RIC1: variants seen among roughly 807,000 people sequenced by gnomAD.
RIC1 encodes the protein RIC1 partner of RAB6A GEF complex, also known as guanine nucleotide exchange factor subunit RIC1.
A neutral mutation model predicts 169.0 loss-of-function variants in RIC1; 88 were observed. The ratio of observed to expected loss-of-function variants is 0.52; its 90% confidence interval spans 0.44 to 0.62. The LOEUF (loss-of-function observed/expected upper bound fraction) is 0.62, where lower values mean the gene tolerates loss of function less well. Among genes scored for constraint, RIC1 ranks in the 20% least tolerant of loss-of-function variants. The probability of loss-of-function intolerance (pLI) is 0.00; values close to 1 mark genes in which losing one functional copy is unlikely to be tolerated. For synonymous variants in RIC1, 790 were observed against 601.5 expected (o/e 1.31, Z -4.59); for missense variants, 1,877 against 1,725.5 (o/e 1.09, Z -1.56).
intron 2 of RIC1, among the ~76,000 whole-genome samples, chr9:5,672,387 GA>G (rs1030837106): frequency 1.2e-4 from 18 of 152,248 alleles, no homozygotes; most frequent in Middle Eastern, 3.4e-3. Flanking sequence ...AGAACTTTCA[GA>G]AAATGTAATT....
At chr9:5,666,474 G>T (rs576313290) in intron 2 of RIC1, among the ~76,000 whole-genome samples, 1 of 151,776 alleles carries the variant, frequency 6.6e-6, no homozygotes, top group East Asian at 1.9e-4. Context: ...TTGTTCTAGC[G>T]GGAAGGCTTT....
At chr9:5,667,828 A>G (rs1275684741) in intron 2 of RIC1, among the ~76,000 whole-genome samples, 1 of 152,054 alleles carries the variant, frequency 6.6e-6, no homozygotes, top group African/African-American at 2.4e-5. Flanking sequence ...TTAAGTGTGG[A>G]TGTCTACTGT....
In RIC1 at chr9:5,774,589, C is replaced by CCT. The variant is rs1827475786; in HGVS notation, c.*343_*344insCT. On this transcript the variant is annotated 3_prime_UTR_variant, in exon 26 of 26. Coordinates refer to ENST00000414202, the MANE Select transcript of RIC1 (RefSeq NM_020829.4). Reference sequence around the variant, plus strand: ...TACTTTTTCACTACTTACATCTTCTCACATTTCCCGGTTCTGCATTATGTC... The same window carrying CCT: ...TACTTTTTCACTACTTACATCTTCTCCTACATTTCCCGGTTCTGCATTATGTC... 5.5e-6 allele frequency: 1 copy of CCT among 182,846 alleles called. No individual in the cohort carries two copies. The highest frequency in any genetic ancestry group is 1.1e-5 in the Non-Finnish European group (1 of 87,502). 11.3% of individuals were successfully genotyped at this position (182,846 alleles called of 1,614,324 possible).
intron 2 of RIC1, among the ~76,000 whole-genome samples, chr9:5,683,793 C>T (rs1004876544): frequency 1.1e-4 from 16 of 152,224 alleles, no homozygotes; most frequent in African/African-American, 3.4e-4. Flanking sequence ...GTGGGCTCCA[C>T]CCAGTTCAAC....
chr9:5,636,511 G>A (rs570962315), intron 1 of RIC1, among the ~76,000 whole-genome samples: 13 of 152,098 alleles, frequency 8.5e-5, no homozygotes, highest in African/African-American at 3.1e-4. Flanking sequence ...GTAGAGACAG[G>A]GTTTCACCAT....
chr9:5,721,422 T>C (rs556835708), intron 6 of RIC1, among the ~76,000 whole-genome samples: 1 of 152,172 alleles, frequency 6.6e-6, no homozygotes, highest in African/African-American at 2.4e-5. Context: ...CTTCACAGAT[T>C]GATTACCAAA....
At chr9:5,678,261 G>A (rs1297735257) in intron 2 of RIC1, among the ~76,000 whole-genome samples, 1 of 152,126 alleles carries the variant, frequency 6.6e-6, no homozygotes, top group Non-Finnish European at 1.5e-5. Flanking sequence ...TGGACATTTG[G>A]CTTGGTTTCA....
intron 3 of RIC1, among the ~76,000 whole-genome samples, chr9:5,710,754 G>A (rs1440089539): frequency 6.6e-6 from 1 of 152,130 alleles, no homozygotes; most frequent in Non-Finnish European, 1.5e-5. Flanking sequence ...ATCAAACAAG[G>A]TAGGATGGTT....
chr9:5,726,561 T>C (rs1824002338), intron 6 of RIC1, among the ~76,000 whole-genome samples: 1 of 152,358 alleles, frequency 6.6e-6, no homozygotes, highest in Non-Finnish European at 1.5e-5. Flanking sequence ...ACATTTAAGG[T>C]TACTATTGTT....
chr9:5,757,110 T>C (rs1826058155), intron 16 of RIC1, among the ~76,000 whole-genome samples: 1 of 152,156 alleles, frequency 6.6e-6, no homozygotes, highest in Admixed American at 6.5e-5. Context: ...GTTACTCCCT[T>C]TCTTTCTCTC....
intron 2 of RIC1, among the ~76,000 whole-genome samples, chr9:5,661,013 T>C (rs1451746620): frequency 6.6e-6 from 1 of 152,170 alleles, no homozygotes; most frequent in Admixed American, 6.5e-5. Flanking sequence ...CATTTTCCTT[T>C]AGGGTGTAAG....
At chr9:5,646,545 T>C (rs1462373817) in intron 1 of RIC1, among the ~76,000 whole-genome samples, 1 of 152,244 alleles carries the variant, frequency 6.6e-6, no homozygotes, top group Non-Finnish European at 1.5e-5. Context: ...ATTGCTTATG[T>C]ATTCAGTATA....
intron 1 of RIC1, among the ~76,000 whole-genome samples, chr9:5,649,556 G>A (rs1293297501): frequency 6.6e-6 from 1 of 151,736 alleles, no homozygotes; most frequent in Non-Finnish European, 1.5e-5. Context: ...CTATCTTTTT[G>A]GTGAATTTTT....
chr9:5,775,460 T>C lies in RIC1; in HGVS notation c.*1214T>C, dbSNP rs939927588. The stretch of plus-strand genomic sequence containing the variant: ...TAACAGTATTAAGACAGCTTGTTTG[T>C]ACTGTGCAATTTGAACAAGGAATGC... On this transcript the variant is annotated 3_prime_UTR_variant, in exon 26 of 26. Transcript: ENST00000414202. 4 of 152,358 alleles carry C rather than the reference T, an allele frequency of 2.6e-5. No homozygotes were observed. Among genetic ancestry groups the C allele is most frequent in the African/African-American group, 9.6e-5 (4 of 41,600 alleles). The allele number at this position is 152,358 out of a possible 1,614,324, so 9.4% of individuals were successfully genotyped here. A position where few individuals can be genotyped will look rare whatever the true frequency, so the allele number is the denominator to read the frequency against.
intron 6 of RIC1, among the ~76,000 whole-genome samples, chr9:5,725,498 C>CA (rs1213490107): frequency 6.6e-6 from 1 of 152,006 alleles, no homozygotes; most frequent in Non-Finnish European, 1.5e-5. Context: ...TCAGTCTTTT[C>CA]AAAAAACCAG....
At chr9:5,701,786 T>C (rs754356412) in intron 3 of RIC1, among the ~76,000 whole-genome samples, 1 of 152,202 alleles carries the variant, frequency 6.6e-6, no homozygotes, top group Non-Finnish European at 1.5e-5. Flanking sequence ...ATTTTGCTTT[T>C]AGTGAGAAAA....
At chr9:5,677,914 T>C (rs1820552006) in intron 2 of RIC1, among the ~76,000 whole-genome samples, 1 of 152,100 alleles carries the variant, frequency 6.6e-6, no homozygotes, top group South Asian at 2.1e-4. Flanking sequence ...GTTTGTTACA[T>C]ATGTATACAT....
chr9:5,719,494 A>G (rs908655079), intron 4 of RIC1: 1 of 152,272 alleles, frequency 6.6e-6, no homozygotes, highest in Non-Finnish European at 1.5e-5. Context: ...CACACAGTAT[A>G]GCACCTGTCA....
chr9:5,747,555 C>G, intron 12 of RIC1, 50 bp downstream of exon 12: 1 of 1,429,256 alleles, frequency 7.0e-7, no homozygotes, highest in Non-Finnish European at 9.8e-7. Flanking sequence ...GATAGGATAT[C>G]ACCTGGAACA....
Sources: allele counts gnomAD v4.1 joint callset (sites outside exome capture counted in the v4.1 genomes callset), GRCh38; gene constraint gnomAD v4.1.1; transcripts MANE v1.5; gene names NCBI Gene and HGNC (gene_info 2026-07-23, HGNC 2026-07-21).